Variants in VWA8 observed in about 807,000 individuals in gnomAD.
VWA8 encodes von Willebrand factor A domain containing 8.
In VWA8, 221 loss-of-function variants were observed where a neutral mutation model predicts 241.5. That is an observed-to-expected ratio of 0.91 (90% CI 0.82 to 1.02). The LOEUF is 1.02. VWA8 is among the 50% of genes least tolerant of loss of function. VWA8 has a pLI of 0.00. For missense variants in VWA8, 2,322 were observed against 2,328.7 expected, an observed-to-expected ratio of 1.00 and a Z score of 0.06; for synonymous variants, 852 against 827.1, an observed-to-expected ratio of 1.03 and a Z score of -0.52.
Position 41,597,179 on chromosome 13 carries a change from A to G in VWA8, c.4987-6414T>C, listed in dbSNP as rs528415631. Reference sequence around the variant, plus strand: ...AAATGATGTTAGAGGGTACCTGTGAACAGCGATTCTCTTATTAAACATTAG... The same window carrying G: ...AAATGATGTTAGAGGGTACCTGTGAGCAGCGATTCTCTTATTAAACATTAG... On this transcript the variant is annotated intron_variant, in intron 40 of 44. Transcript: ENST00000379310. Among the ~76,000 whole-genome samples the G allele has an allele frequency of 3.3e-5, 5 of 152,250 alleles. No homozygotes were observed. In the East Asian group the frequency reaches 9.6e-4, roughly 29 times the overall value.
rs529499655 is a variant in VWA8 at position 41,915,921 on chromosome 13, A to G, written c.242-3753T>C. 2.0e-5 allele frequency among the ~76,000 whole-genome samples: 3 copies of G among 152,338 alleles called. No individual in the cohort carries two copies. In the East Asian group the frequency reaches 5.8e-4, roughly 29 times the overall value. ...ATAATTTATTGCATTCCTATCAGGT[A>G]CCAGGTAAACATACAAACGATTTTT... is the stretch of plus-strand genomic sequence containing the variant. On this transcript the variant is annotated intron_variant, in intron 2 of 44. Transcript: ENST00000379310.
chr13:41,665,951 T>C (rs943495323), intron 37 of VWA8, among the ~76,000 whole-genome samples: 2 of 152,104 alleles, frequency 1.3e-5, no homozygotes, highest in South Asian at 2.1e-4. Flanking sequence ...ATTTTCATAA[T>C]TTATAGGGGT....
intron 29 of VWA8, among the ~76,000 whole-genome samples, chr13:41,694,269 T>C (rs1051051301): frequency 6.6e-6 from 1 of 152,028 alleles, no homozygotes; most frequent in Non-Finnish European, 1.5e-5. Context: ...GCTAATTTTG[T>C]GGAAGTGTTC....
At chr13:41,604,237 AATCATT>A (rs2044539610) in intron 40 of VWA8, among the ~76,000 whole-genome samples, 1 of 152,190 alleles carries the variant, frequency 6.6e-6, no homozygotes, top group Non-Finnish European at 1.5e-5. Flanking sequence ...AAGAAGATCC[AATCATT>A]CAATATCATG....
rs188086344 is a variant in VWA8 at position 41,689,046 on chromosome 13, A to G, written c.4131+308T>C. ...TTAACTTTAAAAAATTATAGAAGAC[A>G]TGACAGAAAATTACCATCAGAAGGT... On this transcript the variant is annotated intron_variant, in intron 34 of 44. Coordinates refer to ENST00000379310, the MANE Select transcript of VWA8 (RefSeq NM_015058.2). Among the ~76,000 whole-genome samples, 271 of 152,236 alleles carry G rather than the reference A, an allele frequency of 1.8e-3. 1 individual carries two copies. Among genetic ancestry groups the G allele is most frequent in the Admixed American group, 3.7e-3 (57 of 15,268 alleles).
At chr13:41,573,607 A>C in intron 43 of VWA8, among the ~76,000 whole-genome samples, 1 of 136,476 alleles carries the variant, frequency 7.3e-6, no homozygotes, top group Admixed American at 7.3e-5. Flanking sequence ...CTCTATATAT[A>C]CGCATATATA....
At chr13:41,730,333 G>C (rs1202924567) in intron 22 of VWA8, among the ~76,000 whole-genome samples, 1 of 152,098 alleles carries the variant, frequency 6.6e-6, no homozygotes, top group African/African-American at 2.4e-5. Flanking sequence ...CAAGAAATAG[G>C]TACTGCCTCA....
chr13:41,616,401 T>C (rs914736871), intron 37 of VWA8, among the ~76,000 whole-genome samples: 1 of 152,176 alleles, frequency 6.6e-6, no homozygotes, highest in Non-Finnish European at 1.5e-5. Flanking sequence ...TGACAATTGA[T>C]ATAAATTCCA....
At chr13:41,888,779 G>C (rs1349258933) in intron 5 of VWA8, among the ~76,000 whole-genome samples, 1 of 152,070 alleles carries the variant, frequency 6.6e-6, no homozygotes, top group Non-Finnish European at 1.5e-5. Flanking sequence ...GTGTATAACA[G>C]GACAAATGTC....
At chr13:41,674,113 C>A (rs952536493) in intron 36 of VWA8, among the ~76,000 whole-genome samples, 1 of 152,100 alleles carries the variant, frequency 6.6e-6, no homozygotes, top group Non-Finnish European at 1.5e-5. Flanking sequence ...AGAAGTCATA[C>A]TTATATATGT....
At chr13:41,888,716 T>C (rs779041830) in intron 5 of VWA8, among the ~76,000 whole-genome samples, 1 of 152,256 alleles carries the variant, frequency 6.6e-6, no homozygotes, top group East Asian at 1.9e-4. Context: ...TTTGCTTCTA[T>C]ACATGACTGT....
At position 41,931,048 on chromosome 13, in the gene VWA8, C is replaced by A. The variant is rs892241866; in HGVS notation, c.242-18880G>T. On this transcript the variant is annotated intron_variant, in intron 2 of 44. Transcript: ENST00000379310. Reference sequence around the variant, plus strand: ...CCTGTAGTCCCAGCTACTCAGGAGACTGAGGCAGGAGAATCGCTTGAACCC... The same window carrying A: ...CCTGTAGTCCCAGCTACTCAGGAGAATGAGGCAGGAGAATCGCTTGAACCC... Among the ~76,000 whole-genome samples, 8 of 150,906 alleles carry A rather than the reference C, an allele frequency of 5.3e-5. No individual in the cohort carries two copies. The South Asian group carries it at 1.7e-3, about 31-fold the overall frequency.
chr13:41,690,722 A>G (rs538092346), intron 32 of VWA8, among the ~76,000 whole-genome samples: 8 of 152,236 alleles, frequency 5.3e-5, no homozygotes, highest in African/African-American at 1.9e-4. Flanking sequence ...ATAGGCAGAA[A>G]TCCTCTGCAA....
At chr13:41,954,031 T>C (rs551105548) in intron 1 of VWA8, among the ~76,000 whole-genome samples, 6 of 152,234 alleles carry the variant, frequency 3.9e-5, no homozygotes, top group Admixed American at 1.3e-4. Flanking sequence ...ACATCTGCAA[T>C]AGACAAAAGG....
chr13:41,863,433 G>GTGTA lies in VWA8; in HGVS notation c.1425+2302_1425+2303insTACA, dbSNP rs1381680626. 3.1e-3 allele frequency among the ~76,000 whole-genome samples: 216 copies of GTGTA among 69,798 alleles called. 1 individual carries two copies. The highest frequency in any genetic ancestry group is 4.7e-3 in the Non-Finnish European group (160 of 34,306). The allele number at this position is 69,798 out of a possible 152,430, so 45.8% of individuals were successfully genotyped here. On this transcript the variant is annotated intron_variant, in intron 12 of 44. Transcript: ENST00000379310. ...TGTGTGTGTGTGTGTGTGTGTGTGT[G>GTGTA]TATATATATATATATATATATTCAC...
At chr13:41,814,718 T>TA (rs1870614830) in intron 16 of VWA8, among the ~76,000 whole-genome samples, 1 of 152,148 alleles carries the variant, frequency 6.6e-6, no homozygotes, top group Non-Finnish European at 1.5e-5. Flanking sequence ...ATTTAACAGA[T>TA]ACTTGTGGAA....
chr13:41,883,353 AAAAG>A, intron 9 of VWA8, 30 bp downstream of exon 9: 1 of 1,550,818 alleles, frequency 6.4e-7, no homozygotes, highest in Non-Finnish European at 8.9e-7. Context: ...GGAAAATGGG[AAAAG>A]AAAGGAAAGA....
chr13:41,826,017 C>T (rs1871156029), intron 14 of VWA8, among the ~76,000 whole-genome samples: 2 of 152,132 alleles, frequency 1.3e-5, no homozygotes, highest in African/African-American at 4.8e-5. Flanking sequence ...TAAACACAGT[C>T]CTGAAAGAAG....
chr13:41,568,009 T>C lies in VWA8; in HGVS notation c.*188A>G. ...AACTCATCAGTGGAGTATCTTTCCA[T>C]GTTTAAGTCTCCTTCTGGCTGCTTC... On this transcript the variant is annotated 3_prime_UTR_variant, in exon 45 of 45. Coordinates refer to ENST00000379310, the MANE Select transcript of VWA8 (RefSeq NM_015058.2). 3.5e-6 allele frequency: 2 copies of C among 574,608 alleles called. No homozygotes were observed. The highest frequency in any genetic ancestry group is 6.1e-6 in the Non-Finnish European group (2 of 325,748). 35.6% of individuals were successfully genotyped at this position (574,608 alleles called of 1,614,324 possible). A position where few individuals can be genotyped will look rare whatever the true frequency, so the allele number is the denominator to read the frequency against.
Sources: allele counts gnomAD v4.1 joint callset (sites outside exome capture counted in the v4.1 genomes callset), GRCh38; gene constraint gnomAD v4.1.1; transcripts MANE v1.5; gene names NCBI Gene and HGNC (gene_info 2026-07-23, HGNC 2026-07-21).